The following ZBBX variants were observed in gnomAD, a reference collection of about 807,000 sequenced individuals.
ZBBX encodes the protein zinc finger B-box domain-containing protein 1.
In ZBBX, 101 loss-of-function variants were observed where a neutral mutation model predicts 108.5. The observed-to-expected ratio is 0.93, with a 90% CI of 0.79 to 1.10. ZBBX has a LOEUF of 1.10. Among genes scored for constraint, ZBBX ranks in the 50% least tolerant of loss-of-function variants. The probability of loss-of-function intolerance (pLI) is 0.00; values close to 1 mark genes in which losing one functional copy is unlikely to be tolerated. For missense variants in ZBBX, 1,009 were observed against 941.4 expected (o/e 1.07, Z -0.94); for synonymous variants, 356 against 323.4 (o/e 1.10, Z -1.08).
At chr3:167,181,056 C>A in the ZBBX span, among the ~76,000 whole-genome samples, 2 of 152,162 alleles carry the variant, frequency 1.3e-5, no homozygotes, top group Non-Finnish European at 2.9e-5. Flanking sequence ...GGCTATTGTT[C>A]TATCCAAATT....
At position 167,240,930 on chromosome 3, in the gene ZBBX, A is replaced by G. The variant is rs1720555605; in HGVS notation, c.2394-11T>C. ...TCTCTTCCAGAACAGCTGAAAATACATAACAAGATCAATACACAATATACA... is the reference window on the plus strand; with the variant it reads ...TCTCTTCCAGAACAGCTGAAAATACGTAACAAGATCAATACACAATATACA... On this transcript the variant is annotated splice_polypyrimidine_tract_variant and intron_variant, in intron 21 of 21. Transcript: ENST00000675490. 1 of 1,612,068 alleles carries G rather than the reference A, an allele frequency of 6.2e-7. No individual in the cohort carries two copies. Among genetic ancestry groups the G allele is most frequent in the Non-Finnish European group, 8.5e-7 (1 of 1,178,976 alleles).
rs541292775 is a variant in ZBBX, at chr3:167,266,199, T to TC, written c.2254+16038dup. Among the ~76,000 whole-genome samples the TC allele has an allele frequency of 2.2e-4, 33 of 152,342 alleles. No individual in the cohort carries two copies. In the South Asian group the frequency reaches 6.4e-3, roughly 30 times the overall value. ...TTGCCATGTTTCTCCTCCCCTTTTT[T>TC]CTCAACTTTTGAAGGTATATTTGTA... On this transcript the variant is annotated intron_variant, in intron 20 of 21. Transcript: ENST00000675490.
intron 20 of ZBBX, among the ~76,000 whole-genome samples, chr3:167,258,399 T>C (rs939193330): frequency 6.6e-6 from 1 of 152,164 alleles, no homozygotes; most frequent in Non-Finnish European, 1.5e-5. Context: ...TCTAGTTTTA[T>C]TCTCCAACAT....
chr3:167,265,923 G>A (rs887229984), intron 20 of ZBBX, among the ~76,000 whole-genome samples: 12 of 152,216 alleles, frequency 7.9e-5, no homozygotes, highest in Admixed American at 2.6e-4. Context: ...CCTCCCCAGA[G>A]AGCACAGATT....
rs1553832867 is a variant in ZBBX, at chr3:167,348,354, A to AAGAAAGAAAGAAAG, written c.528+2052_528+2065dup. ...AAAGAAAGAAAGAAAGAAAGAAAGA[A>AAGAAAGAAAGAAAG]AGAAAGAAAGAAAGAAAAAAAAGAA... On this transcript the variant is annotated intron_variant, in intron 9 of 21. Transcript: ENST00000675490. 2.5e-3 allele frequency among the ~76,000 whole-genome samples: 176 copies of AAGAAAGAAAGAAAG among 69,622 alleles called. 4 individuals are homozygous for AAGAAAGAAAGAAAG. Among genetic ancestry groups the AAGAAAGAAAGAAAG allele is most frequent in the Non-Finnish European group, 3.6e-3 (122 of 33,758 alleles). The allele number at this position is 69,622 out of a possible 152,430, so 45.7% of individuals were successfully genotyped here. A position where few individuals can be genotyped will look rare whatever the true frequency, so the allele number is the denominator to read the frequency against.
At position 167,328,025 on chromosome 3, in the gene ZBBX, T is replaced by G; in HGVS notation, c.779A>C (p.Gln260Pro). The G allele has an allele frequency of 6.2e-7, 1 of 1,613,758 alleles. No individual in the cohort carries two copies. Among genetic ancestry groups the G allele is most frequent in the Non-Finnish European group, 8.5e-7 (1 of 1,179,904 alleles). The part of the protein sequence containing the change: ...EGSFDEEASA[Q>P]SFQEVLSQWR... ...TTGACTTAACACTTCCTGAAAGGAC[T>G]GTGCAGAAGCTTCTTCATCGAATGA... is the stretch of plus-strand genomic sequence containing the variant. The change falls in exon 11 of 22, where the codon CAG (glutamine) becomes CCG (proline). Residue 260 changes from glutamine to proline, a missense_variant. By Grantham distance (76) the Gln-to-Pro change is moderately conservative (BLOSUM62 -1). Transcript: ENST00000675490.
intron 8 of ZBBX, among the ~76,000 whole-genome samples, chr3:167,355,137 A>G (rs1010571382): frequency 3.3e-5 from 5 of 151,982 alleles, no homozygotes; most frequent in Non-Finnish European, 7.4e-5. Context: ...AATCCATTTG[A>G]GTTTAATTAA....
chr3:167,188,753 G>A, the ZBBX span, among the ~76,000 whole-genome samples: 2 of 152,148 alleles, frequency 1.3e-5, no homozygotes, highest in African/African-American at 4.8e-5. Context: ...TAAAACACCT[G>A]AATAAGCAAG....
chr3:167,350,545 A>T, intron 8 of ZBBX, 30 bp from the exon 9 acceptor site: 2 of 1,420,128 alleles, frequency 1.4e-6, no homozygotes, highest in Non-Finnish European at 1.9e-6. Context: ...AAAATTATAC[A>T]ATCTTATAAA....
At chr3:167,398,546 A>G (rs1382435438) in intron 1 of ZBBX, among the ~76,000 whole-genome samples, 1 of 152,066 alleles carries the variant, frequency 6.6e-6, no homozygotes, top group Non-Finnish European at 1.5e-5. Context: ...TACCTAGTGA[A>G]TTTTATTATG....
At chr3:167,273,295 T>G (rs1393371120) in intron 20 of ZBBX, among the ~76,000 whole-genome samples, 2 of 152,196 alleles carry the variant, frequency 1.3e-5, no homozygotes, top group African/African-American at 4.8e-5. Context: ...AAAGCAATTG[T>G]TATGCTCGTG....
chr3:167,381,645 G>T (rs556995017), upstream of ZBBX, among the ~76,000 whole-genome samples: 64 of 152,146 alleles, frequency 4.2e-4, no homozygotes, highest in African/African-American at 1.4e-3. Context: ...ATACAGGCGC[G>T]CTCTTCAAAT....
the ZBBX span, among the ~76,000 whole-genome samples, chr3:167,217,625 G>A: frequency 1.3e-5 from 2 of 152,074 alleles, no homozygotes; most frequent in African/African-American, 4.8e-5. Context: ...TATACCCAGA[G>A]GAATATAAAG....
At chr3:167,266,392 T>A (rs559672072) in intron 20 of ZBBX, among the ~76,000 whole-genome samples, 2 of 152,302 alleles carry the variant, frequency 1.3e-5, no homozygotes, top group South Asian at 4.1e-4. Flanking sequence ...AACTTTCTTG[T>A]TTCTCCTTGC....
At position 167,307,448 on chromosome 3, in the gene ZBBX, A is replaced by G. The variant is rs973161522; in HGVS notation, c.1418-1498T>C. 3.9e-5 allele frequency among the ~76,000 whole-genome samples: 6 copies of G among 152,284 alleles called. No individual in the cohort carries two copies. The East Asian group carries it at 9.7e-4, about 25-fold the overall frequency. On this transcript the variant is annotated intron_variant, in intron 16 of 21. Transcript: ENST00000675490. ...TCAGAATACAAAATCAATGTGCAAA[A>G]TCACTAGCATTCTTATACACCAATG...
the ZBBX span, among the ~76,000 whole-genome samples, chr3:167,230,069 T>G: frequency 6.6e-6 from 1 of 151,868 alleles, no homozygotes; most frequent in African/African-American, 2.4e-5. Context: ...CCCCACTTAC[T>G]GCTCACTAAC....
chr3:167,281,618 T>C (rs2073721077), intron 20 of ZBBX, among the ~76,000 whole-genome samples: 1 of 152,218 alleles, frequency 6.6e-6, no homozygotes, highest in Admixed American at 6.5e-5. Flanking sequence ...AGCCAGACCT[T>C]TACATGTTCA....
chr3:167,314,830 A>G (rs1424812553), intron 15 of ZBBX, among the ~76,000 whole-genome samples: 2 of 152,198 alleles, frequency 1.3e-5, no homozygotes, highest in African/African-American at 2.4e-5. Context: ...CTTACATAGG[A>G]GTCAAAGCAA....
intron 10 of ZBBX, 130 bp from the exon 11 acceptor site, chr3:167,328,246 T>G (rs1737767867): frequency 2.2e-6 from 2 of 914,800 alleles, no homozygotes; most frequent in Non-Finnish European, 3.2e-6. Context: ...AAATCAGACT[T>G]TTTAAACTTA....
Sources: allele counts gnomAD v4.1 joint callset (sites outside exome capture counted in the v4.1 genomes callset), GRCh38; gene constraint gnomAD v4.1.1; transcripts MANE v1.5; gene names NCBI Gene and HGNC (gene_info 2026-07-23, HGNC 2026-07-21).